SYT17: variants seen among roughly 807,000 people sequenced by gnomAD.
The protein encoded by SYT17 is synaptotagmin-17.
SYT17 carries 22 observed loss-of-function variants against 46.7 expected under a neutral mutation model. The ratio of observed to expected loss-of-function variants is 0.47; its 90% CI spans 0.34 to 0.67. The LOEUF (loss-of-function observed/expected upper bound fraction) is 0.67, where lower values mean the gene tolerates loss of function less well. SYT17 is among the 30% of genes least tolerant of loss of function. The pLI is 0.01. For missense variants in SYT17, 519 were observed against 612.8 expected, an observed-to-expected ratio of 0.85 and a Z score of 1.62; for synonymous variants, 251 against 248.4, an observed-to-expected ratio of 1.01 and a Z score of -0.10.
intron 7 of SYT17, among the ~76,000 whole-genome samples, chr16:19,228,056 TG>T (rs56705991): frequency 0.44 from 66,147 of 151,120 alleles, 15,835 homozygotes; most frequent in African/African-American, 0.65. Flanking sequence ...ATTCTGGGGG[TG>T]GGGGGGTATG....
intron 5 of SYT17, among the ~76,000 whole-genome samples, chr16:19,222,199 G>A (rs926019588): frequency 1.3e-5 from 2 of 152,172 alleles, no homozygotes; most frequent in Non-Finnish European, 2.9e-5. Context: ...AATACCATTT[G>A]GCAAAATGTC....
rs1965901743 is a variant in SYT17, at chr16:19,211,552, TGAG to T, written c.952-11488_952-11486del. 4.4e-6 allele frequency: 3 copies of T among 688,502 alleles called. No individual in the cohort carries two copies. The Admixed American group carries it at 6.1e-5, about 14-fold the overall frequency. 42.6% of individuals were successfully genotyped at this position (688,502 alleles called of 1,614,324 possible). A position where few individuals can be genotyped will look rare whatever the true frequency, so the allele number is the denominator to read the frequency against. Reference sequence around the variant, plus strand: ...ACTGAGTGTTAATGGGAAGCTTAGATGAGGAGGTGACTGTTGAGTTGAGATTCC... The same window carrying T: ...ACTGAGTGTTAATGGGAAGCTTAGATGAGGTGACTGTTGAGTTGAGATTCC... On this transcript the variant is annotated intron_variant, in intron 5 of 7. Transcript: ENST00000355377.
chr16:19,232,722 T>A (rs1219905497), intron 7 of SYT17, among the ~76,000 whole-genome samples: 1 of 151,930 alleles, frequency 6.6e-6, no homozygotes, highest in Non-Finnish European at 1.5e-5. Context: ...TCCCAGCTGC[T>A]CGGGAGGCTT....
chr16:19,173,570 T>G lies in SYT17; in HGVS notation c.174T>G (p.Pro58=), dbSNP rs150589668. 1.1e-3 allele frequency: 1,819 copies of G among 1,613,272 alleles called. 12 individuals carry two copies. In the African/African-American group the frequency reaches 0.019, roughly 17 times the overall value. The change falls in exon 3 of 8, where the codon CCT becomes CCG. Residue 58 remains proline (P), a synonymous_variant. Coordinates refer to ENST00000355377, the MANE Select transcript of SYT17 (RefSeq NM_016524.4). The stretch of plus-strand genomic sequence containing the variant: ...TGGGACCTTTCCCTGCTCAGACCCC[T>G]CCCTGGCTGTAAGTAAAACTGCTCT... ...EILGPFPAQT[P]PWLMASRSSD...
intron 7 of SYT17, among the ~76,000 whole-genome samples, chr16:19,244,432 C>G (rs1031234346): frequency 6.6e-6 from 1 of 152,014 alleles, no homozygotes; most frequent in Non-Finnish European, 1.5e-5. Flanking sequence ...CTCCTGGGCT[C>G]AAGTGATCCT....
chr16:19,177,090 T>G (rs757292960), intron 3 of SYT17, among the ~76,000 whole-genome samples: 7 of 152,212 alleles, frequency 4.6e-5, no homozygotes, highest in Non-Finnish European at 7.3e-5. Flanking sequence ...GTTCTCATGT[T>G]GAGCTGGAGG....
intron 7 of SYT17, among the ~76,000 whole-genome samples, chr16:19,264,558 C>T (rs372472539): frequency 7.3e-5 from 11 of 151,408 alleles, no homozygotes; most frequent in South Asian, 2.1e-4. Flanking sequence ...TTTCCACCAG[C>T]GGCACATGAG....
intron 5 of SYT17, among the ~76,000 whole-genome samples, chr16:19,191,187 A>AC (rs1408876325): frequency 6.6e-6 from 1 of 151,942 alleles, no homozygotes; most frequent in Non-Finnish European, 1.5e-5. Context: ...AAAAAAAAAA[A>AC]CCCACCATAA....
intron 7 of SYT17, among the ~76,000 whole-genome samples, chr16:19,259,615 G>A (rs889503353): frequency 6.6e-6 from 1 of 151,906 alleles, no homozygotes; most frequent in Non-Finnish European, 1.5e-5. Context: ...CATTAAATAG[G>A]TTCTTAGAGA....
chr16:19,188,513 C>CAAAA (rs61202540), intron 5 of SYT17, among the ~76,000 whole-genome samples: 3,561 of 63,036 alleles, frequency 0.056, 13 homozygotes, highest in Middle Eastern at 0.065. Flanking sequence ...TTCAGTTCTG[C>CAAAA]AAAAAAAAAA....
chr16:19,245,217 G>T (rs1261225426), intron 7 of SYT17, among the ~76,000 whole-genome samples: 5 of 152,176 alleles, frequency 3.3e-5, no homozygotes, highest in Non-Finnish European at 7.3e-5. Flanking sequence ...GGGTGACATT[G>T]TCTCCCTAGA....
chr16:19,173,853 C>T (rs1964206845), intron 3 of SYT17, among the ~76,000 whole-genome samples: 2 of 152,104 alleles, frequency 1.3e-5, no homozygotes, highest in Admixed American at 1.3e-4. Flanking sequence ...TAATGCTAAG[C>T]GTGTGGGCGT....
Position 19,200,751 on chromosome 16 carries a change from C to T in SYT17, c.951+16604C>T, listed in dbSNP as rs530265574. 2.1e-4 allele frequency among the ~76,000 whole-genome samples: 32 copies of T among 152,336 alleles called. 2 individuals are homozygous for T. In the South Asian group the frequency reaches 6.6e-3, roughly 32 times the overall value. On this transcript the variant is annotated intron_variant, in intron 5 of 7. Coordinates refer to ENST00000355377, the MANE Select transcript of SYT17 (RefSeq NM_016524.4). ...AGGTGTTCGATCTTGACTTTTACTA[C>T]AGCTGGTGTTGGCCTCAAGATGTGT...
chr16:19,239,800 A>T (rs1017956577), intron 7 of SYT17, among the ~76,000 whole-genome samples: 1 of 152,160 alleles, frequency 6.6e-6, no homozygotes, highest in African/African-American at 2.4e-5. Context: ...TCATGCTACC[A>T]GGCTGGATCC....
rs374198513 is a variant in SYT17 at position 19,205,928 on chromosome 16, A to C, written c.952-17117A>C. Among the ~76,000 whole-genome samples the C allele has an allele frequency of 3.9e-5, 6 of 152,252 alleles. No homozygotes were observed. The East Asian group carries it at 1.2e-3, about 29-fold the overall frequency. On this transcript the variant is annotated intron_variant, in intron 5 of 7. Transcript: ENST00000355377. Reference sequence around the variant, plus strand: ...CCACTTTAATGTGAACTCCAAAAGGAGGGGGATTTTTTTCTGTCTTGTTCC... The same window carrying C: ...CCACTTTAATGTGAACTCCAAAAGGCGGGGGATTTTTTTCTGTCTTGTTCC...
Position 19,173,489 on chromosome 16 carries a change from T to C in SYT17, c.93T>C (p.Cys31=), listed in dbSNP as rs184577483. Residue 31 remains cysteine, a synonymous_variant, in exon 3 of 8, where the codon TGT becomes TGC. Transcript: ENST00000355377. ...LLCRWTCRHC[C]QKCYESSCCQ... is the part of the protein sequence containing the mutation. ...GCAGATGGACCTGCCGGCACTGCTG[T>C]CAGAAGTGCTACGAGTCCAGCTGTT... is the stretch of plus-strand genomic sequence containing the variant. 12 of 1,612,118 alleles carry C rather than the reference T, an allele frequency of 7.4e-6. No individual in the cohort carries two copies. In the Admixed American group the frequency reaches 2.0e-4, roughly 27 times the overall value.
At chr16:19,241,213 C>T (rs1242209229) in intron 7 of SYT17, among the ~76,000 whole-genome samples, 2 of 152,108 alleles carry the variant, frequency 1.3e-5, no homozygotes, top group East Asian at 1.9e-4. Context: ...TCCCAAAGTG[C>T]TGGGATTACA....
chr16:19,181,517 G>T (rs980188992), intron 4 of SYT17, among the ~76,000 whole-genome samples: 1 of 152,124 alleles, frequency 6.6e-6, no homozygotes, highest in Non-Finnish European at 1.5e-5. Flanking sequence ...GAAACAGAGG[G>T]AGCACTGGAT....
intron 7 of SYT17, 117 bp from the exon 8 acceptor site, chr16:19,266,763 C>G: frequency 1.2e-6 from 1 of 858,980 alleles, no homozygotes; most frequent in Non-Finnish European, 1.7e-6. Context: ...CGATGACCCC[C>G]ATGTTTGCAG....
Sources: allele counts gnomAD v4.1 joint callset (sites outside exome capture counted in the v4.1 genomes callset), GRCh38; gene constraint gnomAD v4.1.1; transcripts MANE v1.5; gene names NCBI Gene and HGNC (gene_info 2026-07-23, HGNC 2026-07-21).